HPCAL1: variants seen among roughly 807,000 people sequenced by gnomAD.
The protein encoded by HPCAL1 is hippocalcin-like protein 1.
Under a neutral mutation model 17.1 loss-of-function variants are expected in HPCAL1, and 8 were observed. The ratio of observed to expected loss-of-function variants is 0.47; its 90% CI spans 0.27 to 0.84. The LOEUF (loss-of-function observed/expected upper bound fraction) is 0.84, where lower values mean the gene tolerates loss of function less well. HPCAL1 is among the 40% of genes least tolerant of loss of function. HPCAL1 has a pLI of 0.13. For missense variants in HPCAL1, 165 were observed against 271.1 expected (o/e 0.61, Z 2.75); for synonymous variants, 112 against 111.4 (o/e 1.01, Z -0.03).
intron 2 of HPCAL1, among the ~76,000 whole-genome samples, chr2:10,413,605 C>T (rs1670480735): frequency 1.3e-5 from 2 of 152,222 alleles, no homozygotes; most frequent in African/African-American, 4.8e-5. Flanking sequence ...GGGAGCTTCT[C>T]CCCAGCAGAC....
In HPCAL1 at chr2:10,310,269, G is replaced by A. The variant is rs1662870294; in HGVS notation, c.-111+7092G>A. ...TTCTAGGCGCAGCTCAGACGTAGAT[G>A]GGGACGCAGATGTGAGTACCTAGGT... is the stretch of plus-strand genomic sequence containing the variant. On this transcript the variant is annotated intron_variant, in intron 1 of 4. Transcript: ENST00000307845. This position sits in a 1 kb window ranked among gnomAD's most constrained non-coding sequence, Gnocchi z 4.5. Among the ~76,000 whole-genome samples the A allele has an allele frequency of 6.6e-6, 1 of 152,152 alleles. No homozygotes were observed. Among genetic ancestry groups the A allele is most frequent in the South Asian group, 2.1e-4 (1 of 4,820 alleles).
chr2:10,349,572 G>A (rs55815548), intron 1 of HPCAL1, among the ~76,000 whole-genome samples: 57,569 of 149,578 alleles, frequency 0.38, 11,345 homozygotes, highest in South Asian at 0.6. Flanking sequence ...GCGTGGTGGC[G>A]GGCACCTGTA....
chr2:10,389,793 A>C (rs555009558), intron 1 of HPCAL1, among the ~76,000 whole-genome samples: 80 of 152,192 alleles, frequency 5.3e-4, no homozygotes, highest in African/African-American at 1.7e-3. Context: ...ATGTACATGG[A>C]TGTTTGGATA....
At chr2:10,358,632 C>T (rs1666332104) in intron 1 of HPCAL1, among the ~76,000 whole-genome samples, 2 of 152,230 alleles carry the variant, frequency 1.3e-5, no homozygotes, top group African/African-American at 2.4e-5. Context: ...GTCGGGGGAA[C>T]ATGCCCTGGG....
Position 10,304,954 on chromosome 2 carries a change from C to T in HPCAL1, c.-111+1777C>T, listed in dbSNP as rs1216554913. The stretch of plus-strand genomic sequence containing the variant: ...CTACGTGATGGTGTTCCCAGAGAGG[C>T]GGGCTGCTTTGCGGGCTTTTAGGAG... On this transcript the variant is annotated intron_variant, in intron 1 of 4. Coordinates refer to ENST00000307845, the MANE Select transcript of HPCAL1 (RefSeq NM_002149.4). The surrounding 1 kb of genome is among the most constrained non-coding windows in gnomAD (Gnocchi z 4.1). Among the ~76,000 whole-genome samples the T allele has an allele frequency of 6.6e-6, 1 of 152,138 alleles. No individual in the cohort carries two copies. Among genetic ancestry groups the T allele is most frequent in the East Asian group, 1.9e-4 (1 of 5,182 alleles).
intron 1 of HPCAL1, among the ~76,000 whole-genome samples, chr2:10,316,747 G>C (rs1358725199): frequency 1.3e-5 from 2 of 152,184 alleles, no homozygotes; most frequent in African/African-American, 4.8e-5. Context: ...TGTAAAATCC[G>C]AGAAACCAGA....
At chr2:10,407,470 T>C (rs910087060) in intron 2 of HPCAL1, among the ~76,000 whole-genome samples, 12 of 152,262 alleles carry the variant, frequency 7.9e-5, no homozygotes, top group Admixed American at 6.5e-5. Context: ...CATTCAAACA[T>C]ATTTATTGAC....
At chr2:10,396,015 C>G (rs1037188338) in intron 1 of HPCAL1, among the ~76,000 whole-genome samples, 1 of 152,122 alleles carries the variant, frequency 6.6e-6, no homozygotes, top group Admixed American at 6.5e-5. Flanking sequence ...AAGAGGGAGG[C>G]GGGCCCGTCC....
intron 1 of HPCAL1, among the ~76,000 whole-genome samples, chr2:10,390,674 G>A (rs1307973461): frequency 1.3e-5 from 2 of 152,072 alleles, no homozygotes; most frequent in African/African-American, 4.8e-5. Flanking sequence ...TGAAGCCTGC[G>A]CCTGGGCAAG....
chr2:10,351,911 C>CTTTCT (rs1665866654), intron 1 of HPCAL1, among the ~76,000 whole-genome samples: 2 of 139,418 alleles, frequency 1.4e-5, no homozygotes, highest in Non-Finnish European at 1.5e-5. Context: ...TTCTTTCTTT[C>CTTTCT]TTTTTTTTTT....
At position 10,384,834 on chromosome 2, in the gene HPCAL1, G is replaced by A. The variant is rs1226087077; in HGVS notation, c.-110-12001G>A. The stretch of plus-strand genomic sequence containing the variant: ...CAAAGATGTGAAAATAAAGATAGAG[G>A]CGACAGGCTGGGTGCGGTGGCTCAT... On this transcript the variant is annotated intron_variant, in intron 1 of 4. Coordinates refer to ENST00000307845, the MANE Select transcript of HPCAL1 (RefSeq NM_002149.4). The surrounding 1 kb of genome is among the most constrained non-coding windows in gnomAD (Gnocchi z 4.4). Among the ~76,000 whole-genome samples the A allele has an allele frequency of 6.6e-6, 1 of 152,118 alleles. No homozygotes were observed. The highest frequency in any genetic ancestry group is 1.5e-5 in the Non-Finnish European group (1 of 68,016).
intron 1 of HPCAL1, among the ~76,000 whole-genome samples, chr2:10,381,143 C>T (rs1203645733): frequency 6.6e-6 from 1 of 152,200 alleles, no homozygotes; most frequent in African/African-American, 2.4e-5. Flanking sequence ...ATGGCCCGGT[C>T]TGAGGTGTGC....
chr2:10,306,033 T>C (rs142624054), intron 1 of HPCAL1, among the ~76,000 whole-genome samples: 2 of 152,344 alleles, frequency 1.3e-5, no homozygotes, highest in South Asian at 2.1e-4. Context: ...GTGACACTTA[T>C]TCTAAGACCC....
chr2:10,349,835 C>T (rs1187052968), intron 1 of HPCAL1, among the ~76,000 whole-genome samples: 3 of 150,746 alleles, frequency 2.0e-5, no homozygotes, highest in Admixed American at 6.6e-5. Context: ...GGGCCAAGAC[C>T]TCTCTTGGAT....
intron 2 of HPCAL1, among the ~76,000 whole-genome samples, chr2:10,398,405 C>T (rs1480506822): frequency 4.6e-5 from 7 of 152,240 alleles, no homozygotes; most frequent in African/African-American, 1.7e-4. Context: ...AAGGAACCAC[C>T]TTTGAATACT....
chr2:10,398,511 G>A lies in HPCAL1; in HGVS notation c.-25+1591G>A, dbSNP rs563990463. Among the ~76,000 whole-genome samples the A allele has an allele frequency of 8.4e-3, 1,286 of 152,260 alleles. 8 individuals carry two copies. Among genetic ancestry groups the A allele is most frequent in the Middle Eastern group, 0.02 (6 of 294 alleles). The stretch of plus-strand genomic sequence containing the variant: ...GTTCTGGGCTGTGTGAGGGGTGGAG[G>A]GCAGATACCAGTGGCAGGTTTCATC... On this transcript the variant is annotated intron_variant, in intron 2 of 4. Coordinates refer to ENST00000307845, the MANE Select transcript of HPCAL1 (RefSeq NM_002149.4).
At chr2:10,409,630 T>C (rs947883103) in intron 2 of HPCAL1, among the ~76,000 whole-genome samples, 5 of 152,104 alleles carry the variant, frequency 3.3e-5, no homozygotes, top group African/African-American at 1.2e-4. Flanking sequence ...CACAAACCTG[T>C]TTGTCTTCCA....
At position 10,310,535 on chromosome 2, in the gene HPCAL1, T is replaced by G. The variant is rs1292455122; in HGVS notation, c.-111+7358T>G. ...GGTTACTGCTTGGAGTTTGGGGAGC[T>G]GCCATTTTGGATTGTCCTAGCCTCA... On this transcript the variant is annotated intron_variant, in intron 1 of 4. Transcript: ENST00000307845. The surrounding 1 kb of genome is among the most constrained non-coding windows in gnomAD (Gnocchi z 4.5). Among the ~76,000 whole-genome samples the G allele has an allele frequency of 1.3e-5, 2 of 152,094 alleles. No individual in the cohort carries two copies. Among genetic ancestry groups the G allele is most frequent in the Admixed American group, 1.3e-4 (2 of 15,266 alleles).
At chr2:10,356,414 C>A (rs116452800) in intron 1 of HPCAL1, among the ~76,000 whole-genome samples, 4,583 of 152,136 alleles carry the variant, frequency 0.03, 259 homozygotes, top group African/African-American at 0.11. Flanking sequence ...GGGGTAAAAG[C>A]AAGAGGAGAA....
Sources: allele counts gnomAD v4.1 joint callset (sites outside exome capture counted in the v4.1 genomes callset), GRCh38; gene constraint gnomAD v4.1.1; non-coding constraint Gnocchi (gnomAD v3.1); transcripts MANE v1.5; gene names NCBI Gene and HGNC (gene_info 2026-07-23, HGNC 2026-07-21).